Variants in DAAM1 observed in about 807,000 individuals in gnomAD.
DAAM1 encodes the protein dishevelled associated activator of morphogenesis 1.
Under a neutral mutation model 130.0 loss-of-function variants are expected in DAAM1, and 52 were observed. That is an observed-to-expected ratio of 0.40 (90% CI 0.32 to 0.50). The LOEUF is 0.50. DAAM1 is among the 20% of genes least tolerant of loss of function. DAAM1 has a pLI of 0.61. For synonymous variants in DAAM1, 452 were observed against 444.5 expected (o/e 1.02, Z -0.21); for missense variants, 1,134 against 1,303.8 (o/e 0.87, Z 2.01).
chr14:59,282,266 G>T (rs1051931819), intron 2 of DAAM1, among the ~76,000 whole-genome samples: 3 of 152,032 alleles, frequency 2.0e-5, no homozygotes, highest in Non-Finnish European at 2.9e-5. Flanking sequence ...GTGACTATTT[G>T]ATTTCCCCTC....
intron 15 of DAAM1, among the ~76,000 whole-genome samples, chr14:59,335,166 T>C (rs557823925): frequency 6.6e-6 from 1 of 152,344 alleles, no homozygotes; most frequent in Non-Finnish European, 1.5e-5. Flanking sequence ...TCATTATAAA[T>C]GTCAGACTTT....
chr14:59,354,529 T>G (rs1301429854), intron 19 of DAAM1, among the ~76,000 whole-genome samples: 3 of 152,076 alleles, frequency 2.0e-5, no homozygotes, highest in Non-Finnish European at 4.4e-5. Context: ...TGGTGAGGAG[T>G]TAATCTCACT....
At chr14:59,303,091 G>C (rs992316140) in intron 3 of DAAM1, among the ~76,000 whole-genome samples, 1 of 152,232 alleles carries the variant, frequency 6.6e-6, no homozygotes, top group Non-Finnish European at 1.5e-5. Flanking sequence ...TTTATCAACA[G>C]TGCTATGGTG....
At chr14:59,277,702 A>G (rs2139535160) in intron 2 of DAAM1, among the ~76,000 whole-genome samples, 2 of 152,138 alleles carry the variant, frequency 1.3e-5, no homozygotes, top group South Asian at 4.2e-4. Flanking sequence ...ATCCATAGAG[A>G]ATAACATGAA....
intron 2 of DAAM1, among the ~76,000 whole-genome samples, chr14:59,289,699 A>G (rs1399101971): frequency 2.7e-5 from 4 of 149,722 alleles, no homozygotes; most frequent in African/African-American, 9.9e-5. Flanking sequence ...TTGCAGCACT[A>G]TTCACAATAG....
intron 1 of DAAM1, among the ~76,000 whole-genome samples, chr14:59,229,206 T>G (rs1320735818): frequency 6.6e-6 from 1 of 152,222 alleles, no homozygotes; most frequent in Non-Finnish European, 1.5e-5. Context: ...ACTCCCACTT[T>G]TCATTGAGCG....
intron 1 of DAAM1, among the ~76,000 whole-genome samples, chr14:59,209,788 A>G (rs183126937): frequency 6.6e-6 from 1 of 152,274 alleles, no homozygotes; most frequent in African/African-American, 2.4e-5. Flanking sequence ...GTTGTAAGTC[A>G]AGGAACATCT....
At chr14:59,250,062 A>T (rs1881565843) in intron 1 of DAAM1, among the ~76,000 whole-genome samples, 1 of 152,224 alleles carries the variant, frequency 6.6e-6, no homozygotes, top group South Asian at 2.1e-4. Context: ...TTTCTGATCC[A>T]CAATAGAACT....
intron 1 of DAAM1, among the ~76,000 whole-genome samples, chr14:59,197,338 C>T (rs887003715): frequency 1.3e-5 from 2 of 152,206 alleles, no homozygotes; most frequent in Non-Finnish European, 2.9e-5. Context: ...GTTTGTGTGG[C>T]AGTCATTTCT....
At chr14:59,368,333 CT>C (rs574079062) in intron 24 of DAAM1, among the ~76,000 whole-genome samples, 3 of 151,716 alleles carry the variant, frequency 2.0e-5, no homozygotes, top group Admixed American at 2.0e-4. Context: ...ATAGTGATAC[CT>C]TTTTTTTAAT....
intron 1 of DAAM1, among the ~76,000 whole-genome samples, chr14:59,253,783 T>A (rs1171718456): frequency 6.6e-6 from 1 of 152,218 alleles, no homozygotes; most frequent in Non-Finnish European, 1.5e-5. Flanking sequence ...CAGGGGACCC[T>A]GTCTAGGCCT....
At chr14:59,204,435 A>G (rs1888199483) in intron 1 of DAAM1, among the ~76,000 whole-genome samples, 1 of 152,188 alleles carries the variant, frequency 6.6e-6, no homozygotes, top group South Asian at 2.1e-4. Context: ...TGCCACGTGG[A>G]GAACATCTCT....
rs886171246 is a variant in DAAM1, at chr14:59,340,426, A to G, written c.2075+246A>G. Among the ~76,000 whole-genome samples, 8 of 152,202 alleles carry G rather than the reference A, an allele frequency of 5.3e-5. No homozygotes were observed. In the South Asian group the frequency reaches 8.3e-4, roughly 16 times the overall value. On this transcript the variant is annotated intron_variant, in intron 16 of 24. Transcript: ENST00000360909. ...CTAAATGTAAAGGCAGAACACCCTGAGTCAATCTTTTCTTCCCAGAAAGCC... is the reference window on the plus strand; with the variant it reads ...CTAAATGTAAAGGCAGAACACCCTGGGTCAATCTTTTCTTCCCAGAAAGCC...
At chr14:59,199,137 G>A (rs1420361194) in intron 1 of DAAM1, among the ~76,000 whole-genome samples, 1 of 152,178 alleles carries the variant, frequency 6.6e-6, no homozygotes, top group Non-Finnish European at 1.5e-5. Flanking sequence ...CTTGGCTGGA[G>A]CTAAGCCCCA....
At chr14:59,207,546 T>C (rs1219463537) in intron 1 of DAAM1, among the ~76,000 whole-genome samples, 4 of 152,224 alleles carry the variant, frequency 2.6e-5, no homozygotes, top group Non-Finnish European at 5.9e-5. Flanking sequence ...TGAAACCTAT[T>C]TCATGTTATG....
At chr14:59,310,607 A>G (rs1311806043) in intron 3 of DAAM1, among the ~76,000 whole-genome samples, 1 of 152,242 alleles carries the variant, frequency 6.6e-6, no homozygotes, top group Non-Finnish European at 1.5e-5. Context: ...AAATGATCAC[A>G]ATAAAATTCA....
chr14:59,230,080 A>T (rs956766301), intron 1 of DAAM1, among the ~76,000 whole-genome samples: 1 of 152,228 alleles, frequency 6.6e-6, no homozygotes, highest in Non-Finnish European at 1.5e-5. Context: ...TTCAGCTGTG[A>T]TGTAGTTGAG....
chr14:59,224,727 A>G (rs1888882217), intron 1 of DAAM1, among the ~76,000 whole-genome samples: 1 of 152,270 alleles, frequency 6.6e-6, no homozygotes, highest in Non-Finnish European at 1.5e-5. Context: ...GCAGGGGCAG[A>G]ATGCCATGGT....
intron 1 of DAAM1, among the ~76,000 whole-genome samples, chr14:59,195,806 G>T (rs1001704586): frequency 7.2e-5 from 11 of 152,092 alleles, no homozygotes; most frequent in Non-Finnish European, 1.5e-4. Flanking sequence ...TACAAACCAG[G>T]TCAAGGGCAT....
Sources: gnomAD v4.1 joint callset for allele counts (sites outside exome capture counted in the v4.1 genomes callset) on GRCh38, gnomAD v4.1.1 for gene constraint, MANE v1.5 for transcripts, NCBI Gene and HGNC (gene_info 2026-07-23, HGNC 2026-07-21) for gene names.